Variants in RAD54L2 observed in about 807,000 individuals in gnomAD.
RAD54L2 encodes the protein helicase ARIP4.
Under a neutral mutation model 138.4 loss-of-function variants are expected in RAD54L2, and 27 were observed. The ratio of observed to expected loss-of-function variants is 0.20; its 90% confidence interval spans 0.14 to 0.27. The LOEUF (loss-of-function observed/expected upper bound fraction) is 0.27. RAD54L2 is among the 10% of genes least tolerant of loss of function. The pLI, the probability that RAD54L2 is intolerant of heterozygous loss-of-function variation, is 1.00. For synonymous variants in RAD54L2, 644 were observed against 723.2 expected (o/e 0.89, Z 1.76); for missense variants, 1,396 against 1,890.2 (o/e 0.74, Z 4.85).
Position 51,627,766 on chromosome 3 carries a change from T to C in RAD54L2, c.341+12T>C. On this transcript the variant is annotated intron_variant, in intron 4 of 22. Coordinates refer to ENST00000684192, the MANE Select transcript of RAD54L2 (RefSeq NM_015106.4). The stretch of plus-strand genomic sequence containing the variant: ...AGAAGAAACATACGGTGAGCTGTGC[T>C]CTGTGTAAGAGGAGAGGGAAAGGAA... 1 of 1,613,370 alleles carries C rather than the reference T, an allele frequency of 6.2e-7. No individual in the cohort carries two copies. Among genetic ancestry groups the C allele is most frequent in the South Asian group, 1.1e-5 (1 of 91,042 alleles).
At position 51,641,760 on chromosome 3, in the gene RAD54L2, C is replaced by T. The variant is rs1386130461; in HGVS notation, c.2243C>T (p.Ser748Phe). 6.3e-7 allele frequency: 1 copy of T among 1,585,546 alleles called. No homozygotes were observed. Among genetic ancestry groups the T allele is most frequent in the Admixed American group, 1.8e-5 (1 of 55,976 alleles). The change falls in exon 15 of 23, where the codon TCC (serine) becomes TTC (phenylalanine). Residue 748 changes from serine (S) to phenylalanine (F), a missense_variant. Around this residue, in one of 7 missense-constraint regions of RAD54L2, gnomAD observed 211 missense variants for 273.8 expected, o/e 0.77. Coordinates refer to ENST00000684192, the MANE Select transcript of RAD54L2 (RefSeq NM_015106.4). ...GTTTTCTGTTTCAGCCAGAGTCTTTCCACCTTGGCTCTCATCGAGGAATTC... is the reference window on the plus strand; with the variant it reads ...GTTTTCTGTTTCAGCCAGAGTCTTTTCACCTTGGCTCTCATCGAGGAATTC... ...DKILVFSQSLSTLALIEEFLG... is the reference protein window; with the variant it reads ...DKILVFSQSLFTLALIEEFLG...
intron 2 of RAD54L2, among the ~76,000 whole-genome samples, chr3:51,544,600 T>C (rs1553671874): frequency 2.0e-5 from 3 of 152,270 alleles, no homozygotes; most frequent in African/African-American, 7.2e-5. Context: ...TGGGAATGGG[T>C]AATGACTTGA....
intron 2 of RAD54L2, among the ~76,000 whole-genome samples, chr3:51,579,547 A>G (rs889157453): frequency 6.6e-6 from 1 of 152,214 alleles, no homozygotes; most frequent in African/African-American, 2.4e-5. Flanking sequence ...GGAAAACAGT[A>G]TCTGAAACAA....
chr3:51,660,416 C>G (rs943796593), intron 22 of RAD54L2, among the ~76,000 whole-genome samples: 87 of 151,362 alleles, frequency 5.7e-4, no homozygotes, highest in East Asian at 5.9e-4. Context: ...TCATGCCGTT[C>G]TCCTGCCTCA....
At chr3:51,604,222 G>T (rs965197773) in intron 3 of RAD54L2, among the ~76,000 whole-genome samples, 3 of 152,126 alleles carry the variant, frequency 2.0e-5, no homozygotes, top group African/African-American at 7.2e-5. Context: ...TTGTGGGGGA[G>T]GTACAGATGG....
At chr3:51,603,210 G>A (rs1700113779) in intron 3 of RAD54L2, among the ~76,000 whole-genome samples, 1 of 151,680 alleles carries the variant, frequency 6.6e-6, no homozygotes, top group Non-Finnish European at 1.5e-5. Context: ...TTAGGAGGCT[G>A]AGGTGGGAGG....
intron 15 of RAD54L2, 127 bp from the exon 16 acceptor site, chr3:51,643,748 A>G (rs1701200600): frequency 2.7e-6 from 2 of 749,260 alleles, no homozygotes; most frequent in African/African-American, 3.6e-5. Flanking sequence ...TGATACGTCC[A>G]AGGGGTGAGA....
chr3:51,601,311 T>C (rs1450394729), intron 3 of RAD54L2, among the ~76,000 whole-genome samples: 12 of 117,520 alleles, frequency 1.0e-4, no homozygotes, highest in Admixed American at 1.8e-4. Flanking sequence ...TGCGCCCGGC[T>C]TTTTTTTTTT....
At chr3:51,660,554 G>A (rs1208022918) in intron 22 of RAD54L2, among the ~76,000 whole-genome samples, 4 of 151,598 alleles carry the variant, frequency 2.6e-5, no homozygotes, top group African/African-American at 2.4e-5. Context: ...CTCGTGATCC[G>A]CCCGCCTCAG....
At chr3:51,600,950 G>A (rs1172292834) in intron 3 of RAD54L2, among the ~76,000 whole-genome samples, 1 of 152,092 alleles carries the variant, frequency 6.6e-6, no homozygotes, top group African/African-American at 2.4e-5. Context: ...CTCAGTGACA[G>A]TGAGACTCCA....
chr3:51,583,821 T>C (rs1699658759), intron 2 of RAD54L2, among the ~76,000 whole-genome samples: 1 of 151,806 alleles, frequency 6.6e-6, no homozygotes, highest in African/African-American at 2.4e-5. Context: ...TAAAAATCCA[T>C]TTTTTATCTT....
intron 2 of RAD54L2, among the ~76,000 whole-genome samples, chr3:51,549,528 G>C (rs1328219874): frequency 6.6e-6 from 1 of 152,084 alleles, no homozygotes; most frequent in Admixed American, 6.6e-5. Flanking sequence ...TTGGCAGGCC[G>C]AGGCCAGGGC....
chr3:51,646,311 C>T lies in RAD54L2; in HGVS notation c.2856C>T (p.Leu952=). 4 of 1,597,230 alleles carry T rather than the reference C, an allele frequency of 2.5e-6. No individual in the cohort carries two copies. Among genetic ancestry groups the T allele is most frequent in the Non-Finnish European group, 3.4e-6 (4 of 1,172,126 alleles). The change falls in exon 19 of 23, where the codon CTC becomes CTT. Residue 952 remains leucine, a synonymous_variant. Transcript: ENST00000684192. ...TKEPFEHESL[L]LNRKDHKLTK... ...AGCCTTTCGAGCATGAGTCATTGCT[C>T]TTGAACCGAAAGGATCACAAGCTAA...
At chr3:51,604,449 C>G (rs62259675) in intron 3 of RAD54L2, among the ~76,000 whole-genome samples, 25,034 of 151,092 alleles carry the variant, frequency 0.17, 2,426 homozygotes, top group South Asian at 0.33. Flanking sequence ...CTATTTTGTT[C>G]CCACATAGCT....
chr3:51,552,001 C>A (rs1698851394), intron 2 of RAD54L2, among the ~76,000 whole-genome samples: 1 of 152,224 alleles, frequency 6.6e-6, no homozygotes, highest in Non-Finnish European at 1.5e-5. Context: ...CTGCCCTCTT[C>A]AGCCTCCCAA....
intron 3 of RAD54L2, among the ~76,000 whole-genome samples, chr3:51,623,909 G>A (rs1700619908): frequency 6.7e-6 from 1 of 150,008 alleles, no homozygotes; most frequent in African/African-American, 2.5e-5. Flanking sequence ...TCTGGGAGGT[G>A]GAGCTTACAG....
rs546291972 is a variant in RAD54L2 at position 51,654,013 on chromosome 3, G to A, written c.3027-1958G>A. On this transcript the variant is annotated intron_variant, in intron 19 of 22. Coordinates refer to ENST00000684192, the MANE Select transcript of RAD54L2 (RefSeq NM_015106.4). The stretch of plus-strand genomic sequence containing the variant: ...AACTTGCCAAATAAGTCTCATGTAA[G>A]GTTTTAGGTAAGACATTGACTTTTA... 3.7e-4 allele frequency among the ~76,000 whole-genome samples: 56 copies of A among 152,210 alleles called. 1 individual carries two copies. Among genetic ancestry groups the A allele is most frequent in the Admixed American group, 3.1e-3 (48 of 15,276 alleles).
chr3:51,627,418 G>C lies in RAD54L2; in HGVS notation c.140-135G>C, dbSNP rs570781733. The C allele has an allele frequency of 7.7e-6, 6 of 776,422 alleles. No individual in the cohort carries two copies. The African/African-American group carries it at 8.6e-5, about 11-fold the overall frequency. 48.1% of individuals were successfully genotyped at this position (776,422 alleles called of 1,614,324 possible). A position where few individuals can be genotyped will look rare whatever the true frequency, so the allele number is the denominator to read the frequency against. On this transcript the variant is annotated intron_variant, in intron 3 of 22. Transcript: ENST00000684192. ...TTGTAGATACATCCACTGATGTTCA[G>C]AGAGATATAAAGAATTTGCCTTAGA...
intron 3 of RAD54L2, among the ~76,000 whole-genome samples, chr3:51,601,104 G>A (rs1700070073): frequency 6.6e-6 from 1 of 152,128 alleles, no homozygotes. Flanking sequence ...TAGAAGAACT[G>A]AAATTAAGAG....
Sources: allele counts gnomAD v4.1 joint callset (sites outside exome capture counted in the v4.1 genomes callset), GRCh38; gene constraint gnomAD v4.1.1; regional missense constraint gnomAD v4.1.1; transcripts MANE v1.5; gene names NCBI Gene and HGNC (gene_info 2026-07-23, HGNC 2026-07-21).